Variants in FAM210A observed in about 807,000 individuals in gnomAD.
FAM210A encodes family with sequence similarity 210 member A.
A neutral mutation model predicts 25.3 loss-of-function variants in FAM210A; 13 were observed. The ratio of observed to expected loss-of-function variants is 0.51; its 90% CI spans 0.33 to 0.82. The LOEUF (loss-of-function observed/expected upper bound fraction) is 0.82, where lower values mean the gene tolerates loss of function less well. Among genes scored for constraint, FAM210A ranks in the 40% least tolerant of loss-of-function variants. The probability of loss-of-function intolerance (pLI) is 0.02; values close to 1 mark genes in which losing one functional copy is unlikely to be tolerated. For synonymous variants in FAM210A, 125 were observed against 118.7 expected, an observed-to-expected ratio of 1.05 and a Z score of -0.35; for missense variants, 319 against 323.2, an observed-to-expected ratio of 0.99 and a Z score of 0.10.
chr18:13,666,311 G>A lies in FAM210A; in HGVS notation c.*169C>T, dbSNP rs1053284335. On this transcript the variant is annotated 3_prime_UTR_variant, in exon 4 of 4. Coordinates refer to ENST00000651643, the MANE Select transcript of FAM210A (RefSeq NM_152352.4). Reference sequence around the variant, plus strand: ...TCATTTCTTCCCTTGTAATAACACTGATTTTTCTAGTGATATTTAACTTTA... The same window carrying A: ...TCATTTCTTCCCTTGTAATAACACTAATTTTTCTAGTGATATTTAACTTTA... 1.2e-4 allele frequency: 71 copies of A among 609,436 alleles called. 1 individual carries two copies. Among genetic ancestry groups the A allele is most frequent in the South Asian group, 9.6e-4 (46 of 47,720 alleles). The allele number at this position is 609,436 out of a possible 1,614,324, so 37.8% of individuals were successfully genotyped here.
At chr18:13,689,626 G>GT (rs1414904320) in intron 1 of FAM210A, among the ~76,000 whole-genome samples, 3 of 152,108 alleles carry the variant, frequency 2.0e-5, no homozygotes, top group Non-Finnish European at 4.4e-5. Context: ...TACTGCCACC[G>GT]TGATTCAACA....
intron 1 of FAM210A, among the ~76,000 whole-genome samples, chr18:13,683,217 TTGA>T (rs1428366019): frequency 6.6e-6 from 1 of 152,244 alleles, no homozygotes; most frequent in East Asian, 1.9e-4. Context: ...TGATGAATTG[TTGA>T]TATTAGTATT....
intron 1 of FAM210A, among the ~76,000 whole-genome samples, chr18:13,724,673 TAA>T (rs1332936868): frequency 2.5e-4 from 38 of 152,254 alleles, no homozygotes; most frequent in African/African-American, 9.2e-4. Flanking sequence ...AACTTCTAGT[TAA>T]GTTTTATAAA....
At chr18:13,697,348 A>C (rs1301798260) in intron 1 of FAM210A, among the ~76,000 whole-genome samples, 2 of 152,172 alleles carry the variant, frequency 1.3e-5, no homozygotes, top group Non-Finnish European at 2.9e-5. Flanking sequence ...GCATCATTAG[A>C]AAATTGCAAA....
intron 1 of FAM210A, among the ~76,000 whole-genome samples, chr18:13,712,834 G>A (rs947413973): frequency 3.3e-5 from 5 of 152,156 alleles, no homozygotes; most frequent in African/African-American, 1.2e-4. Context: ...AAATTCCATC[G>A]ATAGAAGGAC....
chr18:13,683,437 G>A (rs78521486), intron 1 of FAM210A, among the ~76,000 whole-genome samples: 3 of 152,016 alleles, frequency 2.0e-5, no homozygotes, highest in East Asian at 1.9e-4. Context: ...CAGTGGCTTC[G>A]GCTTGTGGTT....
intron 1 of FAM210A, among the ~76,000 whole-genome samples, chr18:13,696,941 G>GT (rs995661402): frequency 1.3e-5 from 2 of 152,148 alleles, no homozygotes; most frequent in African/African-American, 4.8e-5. Context: ...CCAATTCATG[G>GT]TAAGTACTCT....
At chr18:13,669,338 G>C (rs960952380) in intron 3 of FAM210A, among the ~76,000 whole-genome samples, 1 of 152,174 alleles carries the variant, frequency 6.6e-6, no homozygotes, top group African/African-American at 2.4e-5. Context: ...AGGGTAAAAA[G>C]CAAAGTCCTT....
chr18:13,683,006 A>T (rs892919869), intron 1 of FAM210A, among the ~76,000 whole-genome samples: 1 of 152,158 alleles, frequency 6.6e-6, no homozygotes, highest in African/African-American at 2.4e-5. Flanking sequence ...TAGTGGGGGA[A>T]AAAATAAGAT....
intron 1 of FAM210A, among the ~76,000 whole-genome samples, chr18:13,725,153 CTT>C (rs896271487): frequency 6.6e-6 from 1 of 152,192 alleles, no homozygotes; most frequent in African/African-American, 2.4e-5. Context: ...TCTCAAGAAA[CTT>C]AAGCATCAGG....
At chr18:13,671,506 T>G (rs900152122) in intron 3 of FAM210A, among the ~76,000 whole-genome samples, 1 of 152,152 alleles carries the variant, frequency 6.6e-6, no homozygotes, top group African/African-American at 2.4e-5. Flanking sequence ...GATCTACCAA[T>G]TTTTAAGGCA....
rs531258580 is a variant in FAM210A, at chr18:13,673,202, CTTCT to C, written c.474-1233_474-1230del. 7.1e-3 allele frequency among the ~76,000 whole-genome samples: 1,070 copies of C among 151,554 alleles called. 9 individuals carry two copies. Among genetic ancestry groups the C allele is most frequent in the African/African-American group, 0.025 (1,029 of 41,062 alleles). On this transcript the variant is annotated intron_variant, in intron 2 of 3. Transcript: ENST00000651643. ...GATTATTAACATTCCTGAGCCCCGA[CTTCT>C]TTATTTCCAGTTTCCTGATTATTAA...
chr18:13,684,627 G>C (rs1017116454), intron 1 of FAM210A, among the ~76,000 whole-genome samples: 1 of 152,118 alleles, frequency 6.6e-6, no homozygotes, highest in Non-Finnish European at 1.5e-5. Context: ...TCAACACTCC[G>C]GTCAACAACC....
chr18:13,718,518 T>C lies in FAM210A; in HGVS notation c.-29+7811A>G, dbSNP rs187424134. Among the ~76,000 whole-genome samples the C allele has an allele frequency of 3.3e-5, 5 of 151,852 alleles. No individual in the cohort carries two copies. The East Asian group carries it at 9.7e-4, about 29-fold the overall frequency. ...AACTTGTTCCTGATCACATAGCTGA[T>C]TAAAGGCCAAAAAAAAAAGAAAAAA... On this transcript the variant is annotated intron_variant, in intron 1 of 3. Coordinates refer to ENST00000651643, the MANE Select transcript of FAM210A (RefSeq NM_152352.4).
At chr18:13,685,822 T>C (rs571435971) in intron 1 of FAM210A, among the ~76,000 whole-genome samples, 3 of 152,274 alleles carry the variant, frequency 2.0e-5, no homozygotes, top group Admixed American at 6.5e-5. Flanking sequence ...CCTTAAACAT[T>C]TCACAGAGTT....
At chr18:13,705,989 G>GAACCA (rs2043775294) in intron 1 of FAM210A, among the ~76,000 whole-genome samples, 1 of 152,178 alleles carries the variant, frequency 6.6e-6, no homozygotes, top group African/African-American at 2.4e-5. Context: ...ATGCCACAGT[G>GAACCA]TATTTTTATG....
At chr18:13,685,858 G>T (rs1427960055) in intron 1 of FAM210A, among the ~76,000 whole-genome samples, 1 of 152,144 alleles carries the variant, frequency 6.6e-6, no homozygotes, top group Non-Finnish European at 1.5e-5. Context: ...CAGTTTACAG[G>T]AGGAATGCAC....
At position 13,666,324 on chromosome 18, in the gene FAM210A, A is replaced by G; in HGVS notation, c.*156T>C. On this transcript the variant is annotated 3_prime_UTR_variant, in exon 4 of 4. Transcript: ENST00000651643. ...TGTAATAACACTGATTTTTCTAGTG[A>G]TATTTAACTTTAAAAAGGTATTTTA... The G allele has an allele frequency of 3.2e-6, 2 of 625,086 alleles. No homozygotes were observed. Among genetic ancestry groups the G allele is most frequent in the Non-Finnish European group, 5.6e-6 (2 of 358,742 alleles). 38.7% of individuals were successfully genotyped at this position (625,086 alleles called of 1,614,324 possible). A position where few individuals can be genotyped will look rare whatever the true frequency, so the allele number is the denominator to read the frequency against.
At chr18:13,701,118 T>C (rs2043735871) in intron 1 of FAM210A, among the ~76,000 whole-genome samples, 2 of 152,192 alleles carry the variant, frequency 1.3e-5, no homozygotes, top group Non-Finnish European at 2.9e-5. Flanking sequence ...GGATCTGAAA[T>C]AGAGCTTCTA....
Sources: gnomAD v4.1 joint callset for allele counts (sites outside exome capture counted in the v4.1 genomes callset) on GRCh38, gnomAD v4.1.1 for gene constraint, MANE v1.5 for transcripts, NCBI Gene and HGNC (gene_info 2026-07-23, HGNC 2026-07-21) for gene names.